MAPRE2: variants seen among roughly 807,000 people sequenced by gnomAD.
MAPRE2 encodes the protein microtubule-associated protein RP/EB family member 2.
In MAPRE2, 13 loss-of-function variants were observed where a neutral mutation model predicts 43.2. That is an observed-to-expected ratio of 0.30 (90% CI 0.20 to 0.48). The LOEUF (loss-of-function observed/expected upper bound fraction) is 0.48. MAPRE2 is among the 20% of genes least tolerant of loss of function. MAPRE2 has a pLI of 0.99. For missense variants in MAPRE2, 161 were observed against 400.2 expected (o/e 0.40, Z 5.10); for synonymous variants, 135 against 148.8 (o/e 0.91, Z 0.68).
chr18:34,989,136 A>C (rs571896643), intron 1 of MAPRE2, among the ~76,000 whole-genome samples: 4 of 152,322 alleles, frequency 2.6e-5, no homozygotes, highest in Admixed American at 1.3e-4. Flanking sequence ...AAACCAAAAA[A>C]GGAAGGAGGG....
At chr18:35,063,447 G>A (rs932060357) in intron 1 of MAPRE2, among the ~76,000 whole-genome samples, 2 of 150,874 alleles carry the variant, frequency 1.3e-5, no homozygotes, top group African/African-American at 4.9e-5. Context: ...CCAGTTGAAT[G>A]TGGACTCCTT....
chr18:35,065,470 G>A (rs936125114), intron 1 of MAPRE2, among the ~76,000 whole-genome samples: 1 of 152,030 alleles, frequency 6.6e-6, no homozygotes, highest in Non-Finnish European at 1.5e-5. Context: ...GGTGACCCAG[G>A]GACTGCAGTG....
intron 1 of MAPRE2, among the ~76,000 whole-genome samples, chr18:35,004,304 A>T (rs762902184): frequency 3.3e-5 from 5 of 152,210 alleles, no homozygotes; most frequent in Non-Finnish European, 5.9e-5. Context: ...TTACACAATG[A>T]TTTTAAGCTA....
At chr18:35,119,195 C>A (rs1909561495) in intron 4 of MAPRE2, among the ~76,000 whole-genome samples, 1 of 152,166 alleles carries the variant, frequency 6.6e-6, no homozygotes, top group South Asian at 2.1e-4. Flanking sequence ...GGTGTTCTGA[C>A]CTCCGTTCTT....
intron 2 of MAPRE2, among the ~76,000 whole-genome samples, chr18:35,018,086 A>G (rs1302510099): frequency 6.6e-6 from 1 of 151,802 alleles, no homozygotes; most frequent in East Asian, 1.9e-4. Context: ...TTTGTTTTTA[A>G]TTCTGTTTAT....
intron 2 of MAPRE2, among the ~76,000 whole-genome samples, chr18:35,093,626 G>A (rs1377318058): frequency 6.6e-6 from 1 of 152,216 alleles, no homozygotes; most frequent in African/African-American, 2.4e-5. Flanking sequence ...CCACATGGAT[G>A]AACGTGGAGG....
At chr18:35,023,238 C>A (rs927242120) in intron 2 of MAPRE2, among the ~76,000 whole-genome samples, 1 of 151,992 alleles carries the variant, frequency 6.6e-6, no homozygotes, top group Admixed American at 6.6e-5. Flanking sequence ...GTTGGCCGGG[C>A]GTGGTGGCTT....
intron 1 of MAPRE2, among the ~76,000 whole-genome samples, chr18:34,994,564 G>A (rs1275757581): frequency 6.6e-6 from 1 of 151,990 alleles, no homozygotes; most frequent in Non-Finnish European, 1.5e-5. Context: ...TTTTCATCGA[G>A]GCCGCATCCA....
At chr18:34,979,580 A>G (rs2097015013) in intron 1 of MAPRE2, among the ~76,000 whole-genome samples, 1 of 146,682 alleles carries the variant, frequency 6.8e-6, no homozygotes, top group East Asian at 2.0e-4. Context: ...GGAAGCATGT[A>G]AAAAAAAAAC....
At chr18:35,093,129 T>C (rs1432550601) in intron 2 of MAPRE2, among the ~76,000 whole-genome samples, 3 of 143,754 alleles carry the variant, frequency 2.1e-5, no homozygotes, top group African/African-American at 7.9e-5. Context: ...TGAGAATCAC[T>C]TGAACCTGGG....
At chr18:35,069,517 A>G (rs1026180742) in intron 1 of MAPRE2, among the ~76,000 whole-genome samples, 2 of 152,198 alleles carry the variant, frequency 1.3e-5, no homozygotes, top group African/African-American at 4.8e-5. Flanking sequence ...TGATAGGAGT[A>G]TAAATCAAAC....
At chr18:35,139,249 C>G (rs1018005426) in intron 6 of MAPRE2, among the ~76,000 whole-genome samples, 1 of 152,156 alleles carries the variant, frequency 6.6e-6, no homozygotes, top group Non-Finnish European at 1.5e-5. Flanking sequence ...AGCCAGCGTG[C>G]CAGGTGTGCG....
intron 5 of MAPRE2, 85 bp from the exon 6 acceptor site, chr18:35,131,947 T>TC (rs1910169653): frequency 7.8e-7 from 1 of 1,279,652 alleles, no homozygotes; most frequent in African/African-American, 1.5e-5. Flanking sequence ...CTCTCTCTCT[T>TC]TTGGGTTTTA....
chr18:35,014,426 T>C lies in MAPRE2; in HGVS notation c.-8+8873T>C, dbSNP rs564807860. ...TTGGTCCCAGCAGGTCTCGGCAGTC[T>C]ATATAAGGCATATATACCTGGCAGA... is the stretch of plus-strand genomic sequence containing the variant. On this transcript the variant is annotated intron_variant, in intron 2 of 7. Transcript: ENST00000413393. Among the ~76,000 whole-genome samples the C allele has an allele frequency of 9.3e-5, 14 of 151,296 alleles. No individual in the cohort carries two copies. In the South Asian group the frequency reaches 2.9e-3, roughly 32 times the overall value.
intron 2 of MAPRE2, among the ~76,000 whole-genome samples, chr18:35,033,574 T>A (rs2097048901): frequency 6.6e-6 from 1 of 151,574 alleles, no homozygotes; most frequent in African/African-American, 2.4e-5. Context: ...AGTCAAATTG[T>A]CCCTGTTTGC....
intron 1 of MAPRE2, among the ~76,000 whole-genome samples, chr18:35,057,207 G>C (rs1906275148): frequency 6.6e-6 from 1 of 151,988 alleles, no homozygotes; most frequent in Admixed American, 6.6e-5. Context: ...TAGAGATGGG[G>C]TTTCTCCACG....
At chr18:35,048,394 A>G (rs1440005153) in intron 1 of MAPRE2, among the ~76,000 whole-genome samples, 3 of 152,074 alleles carry the variant, frequency 2.0e-5, no homozygotes, top group African/African-American at 7.2e-5. Flanking sequence ...ATATATTTAT[A>G]TAGTATTAAC....
chr18:35,132,417 G>C (rs1222099072), intron 6 of MAPRE2, among the ~76,000 whole-genome samples: 3 of 152,230 alleles, frequency 2.0e-5, no homozygotes, highest in Admixed American at 6.5e-5. Flanking sequence ...GACAGGTGGG[G>C]TGGGGAAGGC....
At chr18:35,067,472 T>A (rs541401361) in intron 1 of MAPRE2, among the ~76,000 whole-genome samples, 2 of 152,344 alleles carry the variant, frequency 1.3e-5, no homozygotes, top group African/African-American at 4.8e-5. Flanking sequence ...GTATATTAAT[T>A]TCTCTTATGT....
Sources: allele counts gnomAD v4.1 joint callset (sites outside exome capture counted in the v4.1 genomes callset), GRCh38; gene constraint gnomAD v4.1.1; transcripts MANE v1.5; gene names NCBI Gene and HGNC (gene_info 2026-07-23, HGNC 2026-07-21).